The following MSRA variants were observed in gnomAD, a reference collection of about 807,000 sequenced individuals.
MSRA encodes the protein mitochondrial peptide methionine sulfoxide reductase.
Under a neutral mutation model 31.3 loss-of-function variants are expected in MSRA, and 54 were observed. The ratio of observed to expected loss-of-function variants is 1.73; its 90% CI spans 1.39 to 2.17. The LOEUF is 2.17. Among genes scored for constraint, MSRA ranks in the 30% most tolerant of loss-of-function variants. The probability of loss-of-function intolerance (pLI) is 0.00; values close to 1 mark genes in which losing one functional copy is unlikely to be tolerated. For synonymous variants in MSRA, 169 were observed against 116.5 expected (o/e 1.45, Z -2.90); for missense variants, 507 against 300.9 (o/e 1.69, Z -5.07).
chr8:10,337,925 A>C, intron 5 of MSRA: 1 of 649,256 alleles, frequency 1.5e-6, no homozygotes, highest in Non-Finnish European at 2.8e-6. Flanking sequence ...TTCTGATGCA[A>C]GACTAATAAG....
chr8:10,059,641 T>C (rs1346076021), intron 1 of MSRA, among the ~76,000 whole-genome samples: 1 of 152,178 alleles, frequency 6.6e-6, no homozygotes, highest in Non-Finnish European at 1.5e-5. Flanking sequence ...AAAAGACTGA[T>C]AAATTAGATC....
chr8:10,219,289 C>G (rs951798030), intron 2 of MSRA, among the ~76,000 whole-genome samples: 3 of 152,118 alleles, frequency 2.0e-5, no homozygotes, highest in African/African-American at 4.8e-5. Flanking sequence ...AAGACACTCC[C>G]CAGAGTGGAT....
chr8:10,298,833 A>G (rs1283723902), intron 3 of MSRA, among the ~76,000 whole-genome samples: 5 of 152,170 alleles, frequency 3.3e-5, no homozygotes, highest in Admixed American at 6.5e-5. Context: ...GTATTCTACC[A>G]TTGTAATAAT....
intron 4 of MSRA, among the ~76,000 whole-genome samples, chr8:10,313,911 G>A (rs1187450734): frequency 6.6e-6 from 1 of 152,112 alleles, no homozygotes; most frequent in African/African-American, 2.4e-5. Context: ...ATAGTACTGG[G>A]GAAATAATGG....
intron 3 of MSRA, among the ~76,000 whole-genome samples, chr8:10,262,255 G>T (rs2975678): frequency 6.6e-6 from 1 of 152,102 alleles, no homozygotes; most frequent in African/African-American, 2.4e-5. Flanking sequence ...GAATGTGATT[G>T]CTGGATCATG....
At chr8:10,169,398 T>C (rs917470403) in intron 1 of MSRA, among the ~76,000 whole-genome samples, 1 of 152,250 alleles carries the variant, frequency 6.6e-6, no homozygotes, top group African/African-American at 2.4e-5. Context: ...CCCTGTGTGT[T>C]ACTGCCACTT....
At chr8:10,381,523 G>C (rs528036885) in intron 5 of MSRA, among the ~76,000 whole-genome samples, 1 of 152,324 alleles carries the variant, frequency 6.6e-6, no homozygotes, top group East Asian at 1.9e-4. Context: ...TCCCCAGTGA[G>C]TTTCCATCAC....
chr8:10,249,033 G>A (rs1797778090), intron 3 of MSRA, among the ~76,000 whole-genome samples: 1 of 152,124 alleles, frequency 6.6e-6, no homozygotes, highest in South Asian at 2.1e-4. Context: ...GTAGGAGGTT[G>A]GTGAGCTAGA....
chr8:10,293,534 C>A (rs886705894), intron 3 of MSRA, among the ~76,000 whole-genome samples: 5 of 152,208 alleles, frequency 3.3e-5, no homozygotes, highest in Admixed American at 2.6e-4. Context: ...TCCAGCCTCC[C>A]CCACTTGATA....
At chr8:10,116,967 G>A (rs1455125997) in intron 1 of MSRA, among the ~76,000 whole-genome samples, 2 of 152,158 alleles carry the variant, frequency 1.3e-5, no homozygotes, top group East Asian at 3.9e-4. Flanking sequence ...ACTCCAAGAT[G>A]GAGTTTTATT....
chr8:10,072,594 C>A lies in MSRA; in HGVS notation c.142+17936C>A, dbSNP rs532924970. Among the ~76,000 whole-genome samples the A allele has an allele frequency of 9.2e-5, 14 of 152,180 alleles. No homozygotes were observed. The South Asian group carries it at 2.5e-3, about 27-fold the overall frequency. On this transcript the variant is annotated intron_variant, in intron 1 of 5. Transcript: ENST00000317173. Reference sequence around the variant, plus strand: ...TGTTTTAGCTGTTCTAAGGTCTGTCCCACTCCATATAAACATCCAAATAAA... The same window carrying A: ...TGTTTTAGCTGTTCTAAGGTCTGTCACACTCCATATAAACATCCAAATAAA...
intron 1 of MSRA, among the ~76,000 whole-genome samples, chr8:10,197,323 A>C (rs1808078666): frequency 6.6e-6 from 1 of 152,176 alleles, no homozygotes; most frequent in Non-Finnish European, 1.5e-5. Flanking sequence ...ACAAAGGTGA[A>C]AATGGATTTC....
intron 2 of MSRA, among the ~76,000 whole-genome samples, chr8:10,230,845 C>A (rs991042903): frequency 6.6e-6 from 1 of 152,096 alleles, no homozygotes; most frequent in Non-Finnish European, 1.5e-5. Context: ...AGTATAATGG[C>A]GTGATTTTGG....
intron 1 of MSRA, among the ~76,000 whole-genome samples, chr8:10,099,131 T>G (rs1343787654): frequency 1.3e-5 from 2 of 152,144 alleles, no homozygotes; most frequent in Non-Finnish European, 2.9e-5. Flanking sequence ...GAGAGTGCAT[T>G]TAACTCAGTG....
chr8:10,330,017 T>C (rs1239866841), intron 5 of MSRA, among the ~76,000 whole-genome samples: 3 of 150,716 alleles, frequency 2.0e-5, no homozygotes, highest in African/African-American at 7.3e-5. Flanking sequence ...TGTGTGTGTG[T>C]GTGTGTGTGT....
At chr8:10,116,582 C>G (rs564696580) in intron 1 of MSRA, among the ~76,000 whole-genome samples, 1 of 152,182 alleles carries the variant, frequency 6.6e-6, no homozygotes, top group Non-Finnish European at 1.5e-5. Flanking sequence ...ACTTGGATAT[C>G]GTGTGATAAC....
rs939454867 is a variant in MSRA at position 10,365,053 on chromosome 8, G to T, written c.543+45064G>T. 8.7e-5 allele frequency among the ~76,000 whole-genome samples: 13 copies of T among 149,838 alleles called. No homozygotes were observed. The Admixed American group carries it at 8.7e-4, about 10-fold the overall frequency. On this transcript the variant is annotated intron_variant, in intron 5 of 5. Coordinates refer to ENST00000317173, the MANE Select transcript of MSRA (RefSeq NM_012331.5). Reference sequence around the variant, plus strand: ...CCTTTGAATATCTCATGGAGGCTGAGCTTTGCCAAACAGACAGATAGGAAG... The same window carrying T: ...CCTTTGAATATCTCATGGAGGCTGATCTTTGCCAAACAGACAGATAGGAAG...
At chr8:10,222,552 C>G (rs760937651) in intron 2 of MSRA, among the ~76,000 whole-genome samples, 1 of 152,156 alleles carries the variant, frequency 6.6e-6, no homozygotes, top group East Asian at 1.9e-4. Flanking sequence ...CATACTCTCA[C>G]GTTCATTGAG....
At chr8:10,059,409 A>G (rs895968066) in intron 1 of MSRA, among the ~76,000 whole-genome samples, 22 of 152,354 alleles carry the variant, frequency 1.4e-4, no homozygotes, top group African/African-American at 5.3e-4. Flanking sequence ...TAAACAACAT[A>G]CATTGCTAAT....
Sources: gnomAD v4.1 joint callset for allele counts (sites outside exome capture counted in the v4.1 genomes callset) on GRCh38, gnomAD v4.1.1 for gene constraint, MANE v1.5 for transcripts, NCBI Gene and HGNC (gene_info 2026-07-23, HGNC 2026-07-21) for gene names.